Variants in EDIL3 observed in about 807,000 individuals in gnomAD.
The protein encoded by EDIL3 is EGF-like repeat and discoidin I-like domain-containing protein 3.
EDIL3 carries 37 observed loss-of-function variants against 67.4 expected under a neutral mutation model. The observed-to-expected ratio is 0.55, with a 90% CI of 0.42 to 0.72. The LOEUF is 0.72. EDIL3 is among the 30% of genes least tolerant of loss of function. EDIL3 has a pLI of 0.00. For missense variants in EDIL3, 527 were observed against 586.3 expected, an observed-to-expected ratio of 0.90 and a Z score of 1.04; for synonymous variants, 195 against 196.3, an observed-to-expected ratio of 0.99 and a Z score of 0.05.
chr5:84,160,819 C>CCTTTCCTTTCCTTT (rs1258829510), intron 4 of EDIL3, among the ~76,000 whole-genome samples: 69 of 69,122 alleles, frequency 1.0e-3, no homozygotes, highest in African/African-American at 4.0e-3. Context: ...CCTTTCCTTT[C>CCTTTCCTTTCCTTT]CCTTTCCTTT....
chr5:84,375,910 G>A, intron 1 of EDIL3, among the ~76,000 whole-genome samples: 1 of 152,008 alleles, frequency 6.6e-6, no homozygotes, highest in Middle Eastern at 3.2e-3. Context: ...TTAAATTATT[G>A]TCCCAAGAGA....
At position 84,238,665 on chromosome 5, in the gene EDIL3, G is replaced by GTTTTTTTTTTTT. The variant is rs3046880; in HGVS notation, c.197-8793_197-8782dup. ...GTTACAACAGGAGCTAAAATTAAAT[G>GTTTTTTTTTTTT]TTTTTTTTTTTTTTTTTTCAGAATC... On this transcript the variant is annotated intron_variant, in intron 2 of 10. Coordinates refer to ENST00000296591, the MANE Select transcript of EDIL3 (RefSeq NM_005711.5). Among the ~76,000 whole-genome samples the GTTTTTTTTTTTT allele has an allele frequency of 5.9e-5, 6 of 101,106 alleles. 1 individual carries two copies. Among genetic ancestry groups the GTTTTTTTTTTTT allele is most frequent in the African/African-American group, 1.1e-4 (3 of 26,136 alleles). 66.3% of individuals were successfully genotyped at this position (101,106 alleles called of 152,430 possible).
intron 10 of EDIL3, among the ~76,000 whole-genome samples, chr5:83,950,950 TG>T (rs1289193460): frequency 6.6e-6 from 1 of 151,778 alleles, no homozygotes; most frequent in African/African-American, 2.4e-5. Context: ...TAATTCATAT[TG>T]GATATTAATT....
At chr5:84,208,541 C>T (rs1481857113) in intron 3 of EDIL3, among the ~76,000 whole-genome samples, 106 of 151,004 alleles carry the variant, frequency 7.0e-4, no homozygotes, top group Non-Finnish European at 1.4e-3. Context: ...TAGCCGGGCG[C>T]GGTGGTGGGC....
intron 1 of EDIL3, among the ~76,000 whole-genome samples, chr5:84,377,132 C>T (rs1195391959): frequency 6.6e-6 from 1 of 152,034 alleles, no homozygotes; most frequent in Admixed American, 6.6e-5. Context: ...TGAGACCACC[C>T]TGGCTAACAC....
intron 8 of EDIL3, among the ~76,000 whole-genome samples, chr5:84,062,489 T>C (rs889000199): frequency 4.6e-5 from 7 of 152,082 alleles, no homozygotes; most frequent in Non-Finnish European, 8.8e-5. Flanking sequence ...AGCCAAAAAA[T>C]TCACTTTATA....
chr5:84,278,527 T>C (rs937651988), intron 1 of EDIL3, among the ~76,000 whole-genome samples: 4 of 152,194 alleles, frequency 2.6e-5, no homozygotes, highest in African/African-American at 7.2e-5. Flanking sequence ...AATCAGCATG[T>C]TGAGGACCTA....
chr5:84,261,618 G>T (rs890792607), intron 1 of EDIL3, among the ~76,000 whole-genome samples: 1 of 152,086 alleles, frequency 6.6e-6, no homozygotes, highest in African/African-American at 2.4e-5. Context: ...ATGTCAATAG[G>T]AATAATTATA....
chr5:84,105,573 C>T (rs558849557), intron 6 of EDIL3, among the ~76,000 whole-genome samples: 4 of 151,870 alleles, frequency 2.6e-5, no homozygotes, highest in Non-Finnish European at 4.4e-5. Context: ...ACTTAGAATA[C>T]GTAGTAAACA....
In EDIL3 at chr5:84,253,787, T is replaced by G. The variant is rs112360619; in HGVS notation, c.196+297A>C. ...TGGAGTTATGTATTTTATTTGAGAA[T>G]AAAATGTTAAATTTATATTAATATT... On this transcript the variant is annotated intron_variant, in intron 2 of 10. Coordinates refer to ENST00000296591, the MANE Select transcript of EDIL3 (RefSeq NM_005711.5). Among the ~76,000 whole-genome samples, 1,086 of 151,866 alleles carry G rather than the reference T, an allele frequency of 7.2e-3. 12 individuals are homozygous for G. Among genetic ancestry groups the G allele is most frequent in the African/African-American group, 0.024 (1,010 of 41,514 alleles).
At chr5:84,373,070 A>G (rs1747888212) in intron 1 of EDIL3, among the ~76,000 whole-genome samples, 1 of 152,106 alleles carries the variant, frequency 6.6e-6, no homozygotes, top group South Asian at 2.1e-4. Flanking sequence ...GGCCATGTCC[A>G]GAACATTTTC....
At chr5:83,974,554 TC>T (rs1744848094) in intron 9 of EDIL3, among the ~76,000 whole-genome samples, 1 of 152,008 alleles carries the variant, frequency 6.6e-6, no homozygotes, top group Admixed American at 6.6e-5. Context: ...TTATTTCCAT[TC>T]AAATGCATGG....
rs1744252815 is a variant in EDIL3, at chr5:83,943,041, T to C, written c.*378A>G. The C allele has an allele frequency of 9.4e-6, 2 of 212,880 alleles. No homozygotes were observed. The highest frequency in any genetic ancestry group is 1.9e-5 in the Non-Finnish European group (2 of 105,130). The allele number at this position is 212,880 out of a possible 1,614,324, so 13.2% of individuals were successfully genotyped here. A position where few individuals can be genotyped will look rare whatever the true frequency, so the allele number is the denominator to read the frequency against. ...TTTATCAGAATTAGGTGAGTATTGA[T>C]TGTAAAAGCTCTATCAACTCTTGCT... On this transcript the variant is annotated 3_prime_UTR_variant, in exon 11 of 11. Transcript: ENST00000296591.
chr5:84,211,342 G>A (rs1744113974), intron 3 of EDIL3, among the ~76,000 whole-genome samples: 1 of 152,126 alleles, frequency 6.6e-6, no homozygotes, highest in Admixed American at 6.5e-5. Flanking sequence ...CTCTCTGCCT[G>A]TCACCATAAC....
At chr5:84,280,852 T>A (rs995104961) in intron 1 of EDIL3, among the ~76,000 whole-genome samples, 2 of 148,610 alleles carry the variant, frequency 1.3e-5, no homozygotes, top group Non-Finnish European at 3.0e-5. Context: ...GATGAGGGCT[T>A]AGGTAGGAGG....
At chr5:84,331,888 T>C (rs557782778) in intron 1 of EDIL3, among the ~76,000 whole-genome samples, 1 of 152,196 alleles carries the variant, frequency 6.6e-6, no homozygotes, top group Admixed American at 6.5e-5. Flanking sequence ...AAATGCATTA[T>C]ATGGTCCCAA....
intron 2 of EDIL3, among the ~76,000 whole-genome samples, chr5:84,230,728 G>A (rs141306888): frequency 2.1e-5 from 3 of 142,960 alleles, no homozygotes; most frequent in African/African-American, 7.9e-5. Context: ...TAAACATGAA[G>A]ATTCCAGTTC....
chr5:84,067,035 A>C (rs769518524), intron 6 of EDIL3, among the ~76,000 whole-genome samples: 5 of 152,228 alleles, frequency 3.3e-5, no homozygotes, highest in Non-Finnish European at 7.3e-5. Context: ...TCCATTTACA[A>C]TAAAACATGA....
chr5:84,273,294 C>T (rs1315736232), intron 1 of EDIL3, among the ~76,000 whole-genome samples: 5 of 152,206 alleles, frequency 3.3e-5, no homozygotes, highest in Middle Eastern at 3.4e-3. Context: ...GTTCCTGAAT[C>T]AATCACTCTG....
Sources: gnomAD v4.1 joint callset for allele counts (sites outside exome capture counted in the v4.1 genomes callset) on GRCh38, gnomAD v4.1.1 for gene constraint, MANE v1.5 for transcripts, NCBI Gene and HGNC (gene_info 2026-07-23, HGNC 2026-07-21) for gene names.